TMEM45B: variants seen among roughly 807,000 people sequenced by gnomAD.
TMEM45B encodes the protein transmembrane protein 45B.
In TMEM45B, 29 loss-of-function variants were observed where a neutral mutation model predicts 27.3. That is an observed-to-expected ratio of 1.06 (90% CI 0.79 to 1.45). The LOEUF (loss-of-function observed/expected upper bound fraction) is 1.45, where lower values mean the gene tolerates loss of function less well. Among genes scored for constraint, TMEM45B ranks in the 40% most tolerant of loss-of-function variants. The probability of loss-of-function intolerance (pLI) is 0.00; values close to 1 mark genes in which losing one functional copy is unlikely to be tolerated. For synonymous variants in TMEM45B, 143 were observed against 134.7 expected (o/e 1.06, Z -0.43); for missense variants, 348 against 343.9 (o/e 1.01, Z -0.09).
At chr11:129,837,371 T>TGCCTCCCG (rs1367671008) in intron 1 of TMEM45B, among the ~76,000 whole-genome samples, 2 of 151,784 alleles carry the variant, frequency 1.3e-5, no homozygotes, top group Non-Finnish European at 2.9e-5. Context: ...CTGCAACCTC[T>TGCCTCCCG]GCCTCCCGGG....
intron 1 of TMEM45B, among the ~76,000 whole-genome samples, chr11:129,820,407 A>C (rs1947405175): frequency 6.6e-6 from 1 of 152,170 alleles, no homozygotes. Context: ...CATCTGCCAT[A>C]GTGTGTTTTA....
At chr11:129,816,150 G>T (rs537551237) in intron 1 of TMEM45B, among the ~76,000 whole-genome samples, 7 of 152,214 alleles carry the variant, frequency 4.6e-5, no homozygotes, top group South Asian at 2.1e-4. Context: ...GAACCGGTGC[G>T]CACACTACTC....
chr11:129,821,831 T>G (rs530597624), intron 1 of TMEM45B, among the ~76,000 whole-genome samples: 1 of 152,172 alleles, frequency 6.6e-6, no homozygotes, highest in Admixed American at 6.5e-5. Flanking sequence ...TTCATGATGT[T>G]GTTATTTAAT....
At chr11:129,830,356 A>G (rs988840164) in intron 1 of TMEM45B, among the ~76,000 whole-genome samples, 4 of 152,198 alleles carry the variant, frequency 2.6e-5, no homozygotes, top group African/African-American at 7.2e-5. Context: ...TAGATCAGAC[A>G]CATAAATATA....
At chr11:129,830,204 G>A (rs1333430426) in intron 1 of TMEM45B, among the ~76,000 whole-genome samples, 1 of 152,214 alleles carries the variant, frequency 6.6e-6, no homozygotes, top group East Asian at 1.9e-4. Context: ...GCGCATGCCT[G>A]TAATCCCAGC....
chr11:129,834,822 AAAAAAAAAG>A (rs1947600246), intron 1 of TMEM45B, among the ~76,000 whole-genome samples: 1 of 151,958 alleles, frequency 6.6e-6, no homozygotes, highest in Non-Finnish European at 1.5e-5. Context: ...ACAAAAAAAA[AAAAAAAAAG>A]AGAGAGAAAC....
chr11:129,854,887 A>G, intron 3 of TMEM45B, 71 bp downstream of exon 3: 2 of 1,546,034 alleles, frequency 1.3e-6, no homozygotes, highest in Non-Finnish European at 1.8e-6. Context: ...CAGAGTACAA[A>G]ATATCAGAAA....
chr11:129,834,555 A>AG (rs891244662), intron 1 of TMEM45B, among the ~76,000 whole-genome samples: 2 of 152,160 alleles, frequency 1.3e-5, no homozygotes, highest in Non-Finnish European at 2.9e-5. Flanking sequence ...TCACGCCGGT[A>AG]GTCCCAGCAG....
chr11:129,857,772 A>G (rs910593407), intron 5 of TMEM45B, among the ~76,000 whole-genome samples: 2 of 152,156 alleles, frequency 1.3e-5, no homozygotes, highest in African/African-American at 4.8e-5. Flanking sequence ...TCCCCACGTA[A>G]AGGGTTCATT....
chr11:129,855,929 T>C, intron 4 of TMEM45B, 37 bp downstream of exon 4: 5 of 1,609,714 alleles, frequency 3.1e-6, no homozygotes, highest in Non-Finnish European at 4.2e-6. Flanking sequence ...CTGGTCTGGA[T>C]GGAGAAGCCC....
At position 129,824,229 on chromosome 11, in the gene TMEM45B, A is replaced by G. The variant is rs116118477; in HGVS notation, c.-9+8331A>G. ...AGTGCAAAACAGTGATCTATAGATT[A>G]CTGTTTCTCAATCGTCAGCACTAAC... On this transcript the variant is annotated intron_variant, in intron 1 of 5. Transcript: ENST00000281441. 9.7e-3 allele frequency among the ~76,000 whole-genome samples: 1,483 copies of G among 152,272 alleles called. 29 individuals are homozygous for G. The highest frequency in any genetic ancestry group is 0.035 in the African/African-American group (1,434 of 41,542).
chr11:129,823,679 G>A (rs1361337137), intron 1 of TMEM45B, among the ~76,000 whole-genome samples: 3 of 152,118 alleles, frequency 2.0e-5, no homozygotes, highest in Non-Finnish European at 4.4e-5. Flanking sequence ...CTGATGGTAT[G>A]GAATAGCTAT....
chr11:129,847,056 G>A (rs926452823), intron 1 of TMEM45B, among the ~76,000 whole-genome samples: 6 of 152,198 alleles, frequency 3.9e-5, no homozygotes, highest in East Asian at 3.8e-4. Flanking sequence ...TTCAACAAAC[G>A]AGTATAATGC....
At chr11:129,854,878 A>G in intron 3 of TMEM45B, 62 bp downstream of exon 3, 1 of 1,566,198 alleles carries the variant, frequency 6.4e-7, no homozygotes, top group Non-Finnish European at 8.7e-7. Context: ...ATGAAGGATC[A>G]GAGTACAAAA....
At chr11:129,852,815 A>G (rs1947867405) in intron 2 of TMEM45B, 155 bp downstream of exon 2, 1 of 734,494 alleles carries the variant, frequency 1.4e-6, no homozygotes, top group Admixed American at 3.0e-5. Flanking sequence ...CGTAACATCC[A>G]TTGTGTACAG....
chr11:129,858,677 G>T lies in TMEM45B; in HGVS notation c.820G>T (p.Glu274Ter). Residue 274 changes from glutamate to a stop codon, truncating the protein, a stop_gained, in exon 6 of 6, where the codon GAG becomes TAG. Transcript: ENST00000281441. LOFTEE classifies it high-confidence loss of function. The part of the protein sequence containing the change: ...YQTALLSGSD[E>*]E ...GACCGCCCTCTTGAGTGGCTCAGAT[G>T]AGGAATGAGCCGAGATGCGGAGGGC... The T allele has an allele frequency of 6.4e-7, 1 of 1,559,562 alleles. No homozygotes were observed. Among genetic ancestry groups the T allele is most frequent in the South Asian group, 1.2e-5 (1 of 84,694 alleles).
intron 1 of TMEM45B, among the ~76,000 whole-genome samples, chr11:129,841,890 G>A (rs1209090854): frequency 3.7e-4 from 57 of 152,116 alleles, no homozygotes; most frequent in Middle Eastern, 6.8e-3. Context: ...GAGCCACTGC[G>A]CCCGGCCTCA....
At chr11:129,819,987 T>C (rs540639518) in intron 1 of TMEM45B, among the ~76,000 whole-genome samples, 115 of 152,224 alleles carry the variant, frequency 7.6e-4, no homozygotes, top group Non-Finnish European at 9.0e-4. Context: ...GAGAATCTAG[T>C]GTTTGAGACA....
chr11:129,846,746 C>G (rs1947765645), intron 1 of TMEM45B, among the ~76,000 whole-genome samples: 2 of 152,162 alleles, frequency 1.3e-5, no homozygotes, highest in Non-Finnish European at 2.9e-5. Flanking sequence ...AAAAGTGGGG[C>G]AGGCCTCTAT....
Sources: gnomAD v4.1 joint callset for allele counts (sites outside exome capture counted in the v4.1 genomes callset) on GRCh38, gnomAD v4.1.1 for gene constraint, MANE v1.5 for transcripts, NCBI Gene and HGNC (gene_info 2026-07-23, HGNC 2026-07-21) for gene names.